The following NCK1 variants were observed in gnomAD, a reference collection of about 807,000 sequenced individuals.
The protein encoded by NCK1 is NCK adaptor protein 1.
A neutral mutation model predicts 36.6 loss-of-function variants in NCK1; 19 were observed. The ratio of observed to expected loss-of-function variants is 0.52; its 90% CI spans 0.36 to 0.76. The LOEUF (loss-of-function observed/expected upper bound fraction) is 0.76. NCK1 is among the 30% of genes least tolerant of loss of function. NCK1 has a pLI of 0.00. For missense variants in NCK1, 358 were observed against 445.6 expected, an observed-to-expected ratio of 0.80 and a Z score of 1.77; for synonymous variants, 165 against 156.0, an observed-to-expected ratio of 1.06 and a Z score of -0.43.
chr3:136,870,042 TTTTTTTTTA>T (rs1246240837), intron 1 of NCK1, among the ~76,000 whole-genome samples: 3 of 138,134 alleles, frequency 2.2e-5, no homozygotes, highest in East Asian at 3.9e-4. Context: ...TTTTTTTTTT[TTTTTTTTTA>T]AAAGAATCAT....
At chr3:136,870,453 T>C (rs2108066856) in intron 1 of NCK1, among the ~76,000 whole-genome samples, 1 of 152,262 alleles carries the variant, frequency 6.6e-6, no homozygotes, top group South Asian at 2.1e-4. Flanking sequence ...ATATGTTGTG[T>C]ACCTTGTAAT....
intron 1 of NCK1, among the ~76,000 whole-genome samples, chr3:136,871,053 G>A (rs1003362369): frequency 1.3e-5 from 2 of 151,640 alleles, no homozygotes; most frequent in African/African-American, 2.4e-5. Flanking sequence ...TTTTCCTTTT[G>A]ATTAATTCCT....
chr3:136,905,137 G>A (rs1437209362), intron 1 of NCK1, among the ~76,000 whole-genome samples: 4 of 150,420 alleles, frequency 2.7e-5, no homozygotes, highest in African/African-American at 9.8e-5. Flanking sequence ...CTCAGCCTCC[G>A]AAGTAGCTGG....
chr3:136,885,866 G>C (rs573187133), intron 1 of NCK1, among the ~76,000 whole-genome samples: 1 of 152,296 alleles, frequency 6.6e-6, no homozygotes, highest in South Asian at 2.1e-4. Context: ...GTTCTTTTTA[G>C]AATGTTATAA....
At chr3:136,873,605 G>A (rs921619255) in intron 1 of NCK1, among the ~76,000 whole-genome samples, 7 of 152,020 alleles carry the variant, frequency 4.6e-5, no homozygotes, top group African/African-American at 4.8e-5. Flanking sequence ...GGCCGGGGGC[G>A]GAATAATATG....
At chr3:136,931,682 G>C (rs1426148060) in intron 2 of NCK1, among the ~76,000 whole-genome samples, 1 of 152,094 alleles carries the variant, frequency 6.6e-6, no homozygotes, top group Non-Finnish European at 1.5e-5. Flanking sequence ...GAAATCATAG[G>C]GTGAAAAACT....
Position 136,870,687 on chromosome 3 carries a change from TAAAAAAAAAAA to T in NCK1, c.-19+8344_-19+8354del, listed in dbSNP as rs11332327. 1.7e-3 allele frequency among the ~76,000 whole-genome samples: 204 copies of T among 123,376 alleles called. 2 individuals carry two copies. Among genetic ancestry groups the T allele is most frequent in the African/African-American group, 5.9e-3 (192 of 32,682 alleles). The allele number at this position is 123,376 out of a possible 152,430, so 80.9% of individuals were successfully genotyped here. ...CTTTTCATTTCTTAGCTATAGTCTT[TAAAAAAAAAAA>T]AAAAAAAAAGGCCTGTGAGGTCTTG... is the stretch of plus-strand genomic sequence containing the variant. On this transcript the variant is annotated intron_variant, in intron 1 of 3. Coordinates refer to ENST00000481752, the MANE Select transcript of NCK1 (RefSeq NM_001291999.2).
intron 1 of NCK1, among the ~76,000 whole-genome samples, chr3:136,920,078 G>A (rs984159037): frequency 6.6e-6 from 1 of 152,110 alleles, no homozygotes; most frequent in Non-Finnish European, 1.5e-5. Flanking sequence ...CAATTCATAA[G>A]ATGATTTTAT....
chr3:136,883,289 C>G (rs905690993), intron 1 of NCK1, among the ~76,000 whole-genome samples: 1 of 152,100 alleles, frequency 6.6e-6, no homozygotes, highest in Non-Finnish European at 1.5e-5. Context: ...CCACTTTTGC[C>G]CTTGTTCTCT....
chr3:136,937,412 ATTTTCCT>A (rs1401525396), intron 2 of NCK1, among the ~76,000 whole-genome samples: 1 of 151,936 alleles, frequency 6.6e-6, no homozygotes, highest in Non-Finnish European at 1.5e-5. Flanking sequence ...CTCCCACTTG[ATTTTCCT>A]TTTTCAAGAT....
At chr3:136,917,879 T>G (rs987440161) in intron 1 of NCK1, among the ~76,000 whole-genome samples, 2 of 152,228 alleles carry the variant, frequency 1.3e-5, no homozygotes, top group Non-Finnish European at 2.9e-5. Flanking sequence ...GCTTCCCTTT[T>G]TGGCATCACC....
chr3:136,916,743 AAAAC>A (rs1014061786), intron 1 of NCK1, among the ~76,000 whole-genome samples: 40 of 152,154 alleles, frequency 2.6e-4, no homozygotes, highest in African/African-American at 9.7e-4. Context: ...CTTAGAAAAT[AAAAC>A]AGTTTGTTTA....
At chr3:136,941,313 A>G (rs1409964135) in intron 2 of NCK1, among the ~76,000 whole-genome samples, 1 of 151,596 alleles carries the variant, frequency 6.6e-6, no homozygotes, top group Non-Finnish European at 1.5e-5. Flanking sequence ...TTTTTTTGGT[A>G]GAGACGAGGT....
intron 2 of NCK1, among the ~76,000 whole-genome samples, chr3:136,934,341 A>G (rs1010763239): frequency 6.6e-6 from 1 of 151,964 alleles, no homozygotes; most frequent in Non-Finnish European, 1.5e-5. Context: ...GTTGGAGTGC[A>G]GTGGTGTGAT....
chr3:136,886,032 C>T (rs775597855), intron 1 of NCK1, among the ~76,000 whole-genome samples: 12 of 152,026 alleles, frequency 7.9e-5, no homozygotes, highest in Non-Finnish European at 1.6e-4. Context: ...AATGTTATTC[C>T]GGAAGCATTT....
chr3:136,902,553 T>G (rs1372013625), intron 1 of NCK1, among the ~76,000 whole-genome samples: 1 of 152,196 alleles, frequency 6.6e-6, no homozygotes, highest in Admixed American at 6.5e-5. Flanking sequence ...TTGATACGAT[T>G]TCAATTTTTA....
At chr3:136,876,105 C>T (rs1017355909) in intron 1 of NCK1, among the ~76,000 whole-genome samples, 12 of 151,538 alleles carry the variant, frequency 7.9e-5, no homozygotes, top group African/African-American at 1.7e-4. Context: ...TTGAAACCAA[C>T]GAGAACAAAG....
rs550358866 is a variant in NCK1, at chr3:136,949,626, A to G, written c.*1173A>G. On this transcript the variant is annotated 3_prime_UTR_variant, in exon 4 of 4. Transcript: ENST00000481752. ...TTTTATGGTCATAATTTGTCCCCCT[A>G]TTATTCTGGAGATTTAAATTTAAGT... 6.6e-6 allele frequency: 1 copy of G among 152,122 alleles called. No homozygotes were observed. The highest frequency in any genetic ancestry group is 1.9e-4 in the East Asian group (1 of 5,184). The allele number at this position is 152,122 out of a possible 1,614,324, so 9.4% of individuals were successfully genotyped here. A position where few individuals can be genotyped will look rare whatever the true frequency, so the allele number is the denominator to read the frequency against.
At chr3:136,899,273 TG>T in intron 1 of NCK1, 1 of 252,454 alleles carries the variant, frequency 4.0e-6, no homozygotes. Context: ...TAGTGGCATC[TG>T]AAGAAAGATA....
Sources: allele counts gnomAD v4.1 joint callset (sites outside exome capture counted in the v4.1 genomes callset), GRCh38; gene constraint gnomAD v4.1.1; transcripts MANE v1.5; gene names NCBI Gene and HGNC (gene_info 2026-07-23, HGNC 2026-07-21).